The following CFAP54 variants were observed in gnomAD, a reference collection of about 807,000 sequenced individuals.
CFAP54 encodes cilia- and flagella-associated protein 54.
A neutral mutation model predicts 370.4 loss-of-function variants in CFAP54; 290 were observed. The ratio of observed to expected loss-of-function variants is 0.78; its 90% confidence interval spans 0.71 to 0.86. CFAP54 has a LOEUF of 0.86. Ranked by LOEUF, CFAP54 falls within the 40% of genes least tolerant of loss-of-function variation. The pLI is 0.00. For synonymous variants in CFAP54, 1,206 were observed against 1,236.5 expected (o/e 0.98, Z 0.52); for missense variants, 3,399 against 3,528.7 (o/e 0.96, Z 0.93).
Position 96,708,590 on chromosome 12 carries a change from C to T in CFAP54, c.6529-18C>T. 1.9e-6 allele frequency: 3 copies of T among 1,573,912 alleles called. No homozygotes were observed. Among genetic ancestry groups the T allele is most frequent in the African/African-American group, 1.4e-5 (1 of 72,352 alleles). ...GTATTTTTCTAATTTGCTCTTTTTC[C>T]TTTTTTCCATTTTTTAGGCAATTGA... On this transcript the variant is annotated intron_variant, in intron 47 of 67. Transcript: ENST00000524981.
chr12:96,519,102 G>GTTTT, intron 6 of CFAP54, 31 bp downstream of exon 6: 90 of 1,338,148 alleles, frequency 6.7e-5, no homozygotes, highest in Middle Eastern at 4.7e-4. Context: ...GAGGAGTCGA[G>GTTTT]TTTTTTTTTT....
At position 96,706,890 on chromosome 12, in the gene CFAP54, G is replaced by A. The variant is rs75369703; in HGVS notation, c.6529-1718G>A. Among the ~76,000 whole-genome samples the A allele has an allele frequency of 7.9e-5, 12 of 152,176 alleles. No individual in the cohort carries two copies. The East Asian group carries it at 2.3e-3, about 29-fold the overall frequency. On this transcript the variant is annotated intron_variant, in intron 47 of 67. Coordinates refer to ENST00000524981, the MANE Select transcript of CFAP54 (RefSeq NM_001306084.2). ...GATATCTGTTAGACATCCAAGTGGAGGAATTGAGTCAGAAGTTGATTCTGT... is the reference window on the plus strand; with the variant it reads ...GATATCTGTTAGACATCCAAGTGGAAGAATTGAGTCAGAAGTTGATTCTGT...
At chr12:96,698,129 T>A (rs1957454977) in intron 45 of CFAP54, among the ~76,000 whole-genome samples, 1 of 152,184 alleles carries the variant, frequency 6.6e-6, no homozygotes, top group African/African-American at 2.4e-5. Context: ...TCTTCATGTG[T>A]CACTGAAACT....
chr12:96,720,869 A>C (rs1302671289), intron 50 of CFAP54, among the ~76,000 whole-genome samples: 1 of 152,038 alleles, frequency 6.6e-6, no homozygotes, highest in African/African-American at 2.4e-5. Context: ...TAAAATATGA[A>C]AATTAACCAG....
intron 60 of CFAP54, among the ~76,000 whole-genome samples, chr12:96,771,558 A>C (rs1361074334): frequency 6.6e-6 from 1 of 152,204 alleles, no homozygotes; most frequent in Admixed American, 6.5e-5. Flanking sequence ...AGGCTGAGGC[A>C]GGAGAATGGC....
At position 96,580,618 on chromosome 12, in the gene CFAP54, G is replaced by C. The variant is rs1956023654; in HGVS notation, c.2818G>C (p.Gly940Arg). ...GCAGGTCTCCTGGTACTGCATTTTG[G>C]GTTGCAAAGCAGAAGGAAGTTATGG... ...EVKVSWYCIL[G>R]CKAEGSYGKV... Residue 940 changes from glycine (G) to arginine (R), a missense_variant, in exon 21 of 68, where the codon GGT becomes CGT. Physicochemically the swap from Gly to Arg is moderately radical, Grantham distance 125. Transcript: ENST00000524981. The C allele has an allele frequency of 6.6e-7, 1 of 1,522,694 alleles. No homozygotes were observed. The highest frequency in any genetic ancestry group is 1.4e-5 in the African/African-American group (1 of 72,506). 94.3% of individuals were successfully genotyped at this position (1,522,694 alleles called of 1,614,324 possible).
At position 96,691,059 on chromosome 12, in the gene CFAP54, TA is replaced by T. The variant is rs887647997; in HGVS notation, c.6082-68del. On this transcript the variant is annotated intron_variant, in intron 43 of 67. Transcript: ENST00000524981. ...CATTTTATAAAGCAATACATGTATTTATCTTTTTTGTTTCATTATTGAAAAT... is the reference window on the plus strand; with the variant it reads ...CATTTTATAAAGCAATACATGTATTTTCTTTTTTGTTTCATTATTGAAAAT... The T allele has an allele frequency of 5.2e-5, 71 of 1,371,530 alleles. No individual in the cohort carries two copies. In the African/African-American group the frequency reaches 9.6e-4, roughly 18 times the overall value. The allele number at this position is 1,371,530 out of a possible 1,614,324, so 85.0% of individuals were successfully genotyped here. A position where few individuals can be genotyped will look rare whatever the true frequency, so the allele number is the denominator to read the frequency against.
chr12:96,656,622 C>T (rs769272953), intron 36 of CFAP54, among the ~76,000 whole-genome samples: 20 of 152,240 alleles, frequency 1.3e-4, no homozygotes, highest in Non-Finnish European at 2.1e-4. Flanking sequence ...CTCAGTTGAT[C>T]TGCCCTCCTC....
At position 96,576,747 on chromosome 12, in the gene CFAP54, A is replaced by G. The variant is rs372473525; in HGVS notation, c.2782A>G (p.Thr928Ala). Residue 928 changes from threonine (T) to alanine (A), a missense_variant, in exon 20 of 68, where the codon ACT becomes GCT. Physicochemically the swap from Thr to Ala is moderately conservative, Grantham distance 58. This residue lies in a region of CFAP54 where 2,796 missense variants were observed against 2,869.7 expected (regional missense o/e 0.97). Transcript: ENST00000524981. ...TGTGACACTCAAACCTGCTCCATTTACTTCAGAGGTTAAGGTATGGTGTCC... is the reference window on the plus strand; with the variant it reads ...TGTGACACTCAAACCTGCTCCATTTGCTTCAGAGGTTAAGGTATGGTGTCC... ...CSVTLKPAPF[T>A]SEVKVSWYCI... is the part of the protein sequence containing the mutation. 6.5e-7 allele frequency: 1 copy of G among 1,534,214 alleles called. No homozygotes were observed. Among genetic ancestry groups the G allele is most frequent in the South Asian group, 1.2e-5 (1 of 83,454 alleles).
At chr12:96,547,162 T>C (rs1286492111) in intron 14 of CFAP54, among the ~76,000 whole-genome samples, 1 of 152,134 alleles carries the variant, frequency 6.6e-6, no homozygotes, top group East Asian at 1.9e-4. Flanking sequence ...AGGGTTTCTA[T>C]GCTATCTTCT....
Position 96,537,539 on chromosome 12 carries a change from G to A in CFAP54, c.1792-845G>A, listed in dbSNP as rs572219608. Reference sequence around the variant, plus strand: ...ATATTTTTAGTAGAGATAGGGTTTCGCCATGTTTGCCAGGCTGGTCTTGAA... The same window carrying A: ...ATATTTTTAGTAGAGATAGGGTTTCACCATGTTTGCCAGGCTGGTCTTGAA... On this transcript the variant is annotated intron_variant, in intron 12 of 67. Transcript: ENST00000524981. Among the ~76,000 whole-genome samples, 50 of 151,880 alleles carry A rather than the reference G, an allele frequency of 3.3e-4. 1 individual carries two copies. Among genetic ancestry groups the A allele is most frequent in the African/African-American group, 1.1e-3 (45 of 41,406 alleles).
chr12:96,545,519 G>A (rs964452308), intron 14 of CFAP54, among the ~76,000 whole-genome samples: 1 of 152,060 alleles, frequency 6.6e-6, no homozygotes, highest in African/African-American at 2.4e-5. Flanking sequence ...AAAGTCACCA[G>A]TCCCGCTCCC....
chr12:96,691,365 AC>A lies in CFAP54; in HGVS notation c.6264+57del, dbSNP rs1279256361. ...ATCACTGGGATATTTTGCTCCACTT[AC>A]CTCATACTTTTAAAATTTTGCTAAT... On this transcript the variant is annotated intron_variant, in intron 44 of 67. Coordinates refer to ENST00000524981, the MANE Select transcript of CFAP54 (RefSeq NM_001306084.2). The A allele has an allele frequency of 3.1e-6, 4 of 1,305,456 alleles. No homozygotes were observed. In the Admixed American group the frequency reaches 1.2e-4, roughly 38 times the overall value. The allele number at this position is 1,305,456 out of a possible 1,614,324, so 80.9% of individuals were successfully genotyped here.
At chr12:96,862,534 G>A (rs12318706) in intron 67 of CFAP54, among the ~76,000 whole-genome samples, 54,744 of 151,894 alleles carry the variant, frequency 0.36, 10,486 homozygotes, top group East Asian at 0.43. Context: ...AAAGGAATGA[G>A]TGGAATGAAT....
intron 32 of CFAP54, among the ~76,000 whole-genome samples, chr12:96,642,148 T>C (rs1344596068): frequency 1.3e-5 from 2 of 152,210 alleles, no homozygotes; most frequent in Non-Finnish European, 2.9e-5. Flanking sequence ...AACATTATTG[T>C]TTATTTTAAT....
Position 96,576,779 on chromosome 12 carries a change from A to C in CFAP54, c.2796+18A>C. The stretch of plus-strand genomic sequence containing the variant: ...AGGTTAAGGTATGGTGTCCAGTAAA[A>C]TTTTTGCCTCATGCAAAGCAACATA... On this transcript the variant is annotated intron_variant, in intron 20 of 67. Transcript: ENST00000524981. 5.3e-6 allele frequency: 8 copies of C among 1,515,092 alleles called. No homozygotes were observed. Among genetic ancestry groups the C allele is most frequent in the Non-Finnish European group, 7.0e-6 (8 of 1,138,116 alleles). The allele number at this position is 1,515,092 out of a possible 1,614,324, so 93.9% of individuals were successfully genotyped here. A position where few individuals can be genotyped will look rare whatever the true frequency, so the allele number is the denominator to read the frequency against.
At chr12:96,504,619 C>G (rs1955070566) in intron 3 of CFAP54, among the ~76,000 whole-genome samples, 1 of 152,144 alleles carries the variant, frequency 6.6e-6, no homozygotes, top group Non-Finnish European at 1.5e-5. Flanking sequence ...AGTTTATTAG[C>G]CCACTTAAAG....
At chr12:96,756,692 A>G (rs1708608783) in intron 57 of CFAP54, 129 bp downstream of exon 57, 3 of 654,738 alleles carry the variant, frequency 4.6e-6, no homozygotes, top group Non-Finnish European at 8.1e-6. Flanking sequence ...CATGGGGTCC[A>G]TCTCAAGCTT....
chr12:96,502,869 A>T (rs1403537157), intron 2 of CFAP54, among the ~76,000 whole-genome samples: 3 of 152,198 alleles, frequency 2.0e-5, no homozygotes, highest in Non-Finnish European at 4.4e-5. Context: ...TAAAAATCCC[A>T]CTGCTCAGAT....
Sources: allele counts gnomAD v4.1 joint callset (sites outside exome capture counted in the v4.1 genomes callset), GRCh38; gene constraint gnomAD v4.1.1; regional missense constraint gnomAD v4.1.1; transcripts MANE v1.5; gene names NCBI Gene and HGNC (gene_info 2026-07-23, HGNC 2026-07-21).